SKAP1: variants seen among roughly 807,000 people sequenced by gnomAD.
The protein encoded by SKAP1 is src kinase associated phosphoprotein 1, also known as src kinase-associated phosphoprotein 1.
Under a neutral mutation model 58.5 loss-of-function variants are expected in SKAP1, and 44 were observed. That is an observed-to-expected ratio of 0.75 (90% confidence interval 0.59 to 0.97). The LOEUF (loss-of-function observed/expected upper bound fraction) is 0.97. SKAP1 is among the 50% of genes least tolerant of loss of function. SKAP1 has a pLI of 0.00. For synonymous variants in SKAP1, 127 were observed against 149.7 expected, an observed-to-expected ratio of 0.85 and a Z score of 1.11; for missense variants, 390 against 435.2, an observed-to-expected ratio of 0.90 and a Z score of 0.92.
intron 4 of SKAP1, among the ~76,000 whole-genome samples, chr17:48,254,173 TTC>T (rs2065397912): frequency 6.6e-6 from 1 of 152,142 alleles, no homozygotes; most frequent in Admixed American, 6.5e-5. Context: ...TCCCTGTAAA[TTC>T]TCTCTCACTC....
chr17:48,281,096 G>A (rs2065760261), intron 4 of SKAP1, among the ~76,000 whole-genome samples: 1 of 151,956 alleles, frequency 6.6e-6, no homozygotes, highest in Non-Finnish European at 1.5e-5. Context: ...CGTGATCTTG[G>A]CTCACTGCAA....
At chr17:48,183,809 AC>A (rs2064404707) in intron 7 of SKAP1, among the ~76,000 whole-genome samples, 1 of 152,174 alleles carries the variant, frequency 6.6e-6, no homozygotes, top group African/African-American at 2.4e-5. Flanking sequence ...AGGTCCTTTA[AC>A]AAAATAAGAG....
At chr17:48,168,984 GT>G (rs1266519230) in intron 10 of SKAP1, among the ~76,000 whole-genome samples, 2 of 152,156 alleles carry the variant, frequency 1.3e-5, no homozygotes, top group East Asian at 3.8e-4. Context: ...AAGTCCTCCT[GT>G]TTTTTAATCA....
At chr17:48,329,533 T>C (rs1489036870) in intron 4 of SKAP1, among the ~76,000 whole-genome samples, 4 of 152,072 alleles carry the variant, frequency 2.6e-5, no homozygotes, top group African/African-American at 9.7e-5. Flanking sequence ...GGTGAAACCC[T>C]GTCTCTACTA....
intron 4 of SKAP1, among the ~76,000 whole-genome samples, chr17:48,276,165 C>T (rs538666458): frequency 2.0e-5 from 3 of 152,010 alleles, no homozygotes; most frequent in Non-Finnish European, 4.4e-5. Flanking sequence ...CGTAATCTAC[C>T]CCCCCAGCCA....
intron 4 of SKAP1, among the ~76,000 whole-genome samples, chr17:48,190,394 G>C (rs905385045): frequency 6.6e-6 from 1 of 152,172 alleles, no homozygotes; most frequent in Admixed American, 6.5e-5. Context: ...TTACAGGCGT[G>C]AGCCACTGCG....
intron 4 of SKAP1, among the ~76,000 whole-genome samples, chr17:48,344,600 A>T (rs1268700818): frequency 1.3e-5 from 2 of 152,204 alleles, no homozygotes; most frequent in African/African-American, 4.8e-5. Flanking sequence ...TTGCACTGTT[A>T]ATTTTCTACA....
chr17:48,337,151 A>G (rs2066583435), intron 4 of SKAP1, among the ~76,000 whole-genome samples: 1 of 152,118 alleles, frequency 6.6e-6, no homozygotes, highest in Non-Finnish European at 1.5e-5. Flanking sequence ...TTCCTGCTAG[A>G]CCAGTGTATC....
chr17:48,263,695 G>T (rs971209219), intron 4 of SKAP1, among the ~76,000 whole-genome samples: 1 of 152,116 alleles, frequency 6.6e-6, no homozygotes, highest in African/African-American at 2.4e-5. Flanking sequence ...CAAAAAAAAG[G>T]TCCCAGGTTT....
At chr17:48,361,349 G>T (rs774024251) in intron 3 of SKAP1, among the ~76,000 whole-genome samples, 2 of 151,896 alleles carry the variant, frequency 1.3e-5, no homozygotes, top group Admixed American at 6.6e-5. Context: ...GGGACTACAG[G>T]CATGCACCAC....
chr17:48,358,166 C>A (rs943869697), intron 3 of SKAP1, among the ~76,000 whole-genome samples: 6 of 152,134 alleles, frequency 3.9e-5, no homozygotes, highest in Admixed American at 3.9e-4. Context: ...TAAATTTAGA[C>A]TTTTTCTTAC....
chr17:48,200,605 T>C (rs1333445278), intron 4 of SKAP1, among the ~76,000 whole-genome samples: 1 of 152,122 alleles, frequency 6.6e-6, no homozygotes, highest in Non-Finnish European at 1.5e-5. Flanking sequence ...CTTGAACTCC[T>C]GACCTCTGGT....
At chr17:48,358,089 G>A (rs1468056816) in intron 3 of SKAP1, among the ~76,000 whole-genome samples, 1 of 152,120 alleles carries the variant, frequency 6.6e-6, no homozygotes, top group Non-Finnish European at 1.5e-5. Flanking sequence ...CAGTGCTTGT[G>A]TTTATAAAAT....
intron 4 of SKAP1, among the ~76,000 whole-genome samples, chr17:48,303,318 C>T (rs2066088195): frequency 6.6e-6 from 1 of 152,214 alleles, no homozygotes; most frequent in Non-Finnish European, 1.5e-5. Context: ...ATGGTTTTCT[C>T]TTTTGAAGGC....
At chr17:48,278,052 A>G (rs1209135219) in intron 4 of SKAP1, among the ~76,000 whole-genome samples, 3 of 152,340 alleles carry the variant, frequency 2.0e-5, no homozygotes, top group East Asian at 3.9e-4. Context: ...CTAGCATGAA[A>G]CATCTAACTT....
chr17:48,260,444 A>G (rs2065471956), intron 4 of SKAP1, among the ~76,000 whole-genome samples: 1 of 152,214 alleles, frequency 6.6e-6, no homozygotes, highest in African/African-American at 2.4e-5. Flanking sequence ...CACTAGAAAC[A>G]TTAGAATAAA....
the SKAP1 span, among the ~76,000 whole-genome samples, chr17:48,437,741 C>CAAAA: frequency 0.079 from 5,173 of 65,414 alleles, 413 homozygotes; most frequent in East Asian, 0.18. Flanking sequence ...GACTCTGTCT[C>CAAAA]AAAAAAAAAA....
intron 4 of SKAP1, among the ~76,000 whole-genome samples, chr17:48,199,427 G>C (rs2064695647): frequency 6.6e-6 from 1 of 152,134 alleles, no homozygotes; most frequent in Non-Finnish European, 1.5e-5. Context: ...TACACTGCCA[G>C]GTCTCTGTGT....
chr17:48,257,010 A>G (rs2065430707), intron 4 of SKAP1, among the ~76,000 whole-genome samples: 1 of 152,136 alleles, frequency 6.6e-6, no homozygotes, highest in Non-Finnish European at 1.5e-5. Context: ...AAGCACAAGG[A>G]TGATACTAAA....
Sources: gnomAD v4.1 joint callset for allele counts (sites outside exome capture counted in the v4.1 genomes callset) on GRCh38, gnomAD v4.1.1 for gene constraint, MANE v1.5 for transcripts, NCBI Gene and HGNC (gene_info 2026-07-23, HGNC 2026-07-21) for gene names.